Variants in SKAP2 observed in about 807,000 individuals in gnomAD.
SKAP2 encodes the protein src kinase-associated phosphoprotein 2.
A neutral mutation model predicts 54.9 loss-of-function variants in SKAP2; 28 were observed. That is an observed-to-expected ratio of 0.51 (90% CI 0.38 to 0.70). The LOEUF is 0.70. Ranked by LOEUF, SKAP2 falls within the 30% of genes least tolerant of loss-of-function variation. The pLI is 0.00. For synonymous variants in SKAP2, 137 were observed against 134.3 expected (o/e 1.02, Z -0.14); for missense variants, 356 against 424.1 (o/e 0.84, Z 1.41).
chr7:26,718,344 G>T (rs1257426385), intron 9 of SKAP2, among the ~76,000 whole-genome samples: 1 of 151,330 alleles, frequency 6.6e-6, no homozygotes, highest in African/African-American at 2.4e-5. Context: ...AAGGCCAGAA[G>T]AAAGTAAATA....
chr7:26,747,407 A>G (rs1016676681), intron 4 of SKAP2, among the ~76,000 whole-genome samples: 3 of 152,172 alleles, frequency 2.0e-5, no homozygotes, highest in Non-Finnish European at 2.9e-5. Flanking sequence ...ATGTGACTAC[A>G]CTGGGGAAAA....
rs1786130900 is a variant in SKAP2, at chr7:26,667,674, A to T, written c.*1992T>A. 6.6e-6 allele frequency: 1 copy of T among 152,622 alleles called. No individual in the cohort carries two copies. Among genetic ancestry groups the T allele is most frequent in the South Asian group, 2.1e-4 (1 of 4,830 alleles). 9.5% of individuals were successfully genotyped at this position (152,622 alleles called of 1,614,324 possible). A position where few individuals can be genotyped will look rare whatever the true frequency, so the allele number is the denominator to read the frequency against. Reference sequence around the variant, plus strand: ...TGGATTAACTGTAAAAGGAGGCAGAAATCTAGATGCTTTCCATCATGGGCG... The same window carrying T: ...TGGATTAACTGTAAAAGGAGGCAGATATCTAGATGCTTTCCATCATGGGCG... On this transcript the variant is annotated 3_prime_UTR_variant, in exon 13 of 13. Transcript: ENST00000345317.
chr7:26,820,464 AT>A (rs900327123), intron 4 of SKAP2, among the ~76,000 whole-genome samples: 26 of 152,182 alleles, frequency 1.7e-4, no homozygotes, highest in African/African-American at 6.3e-4. Context: ...TTTTAAATCC[AT>A]TGGCATATTT....
At chr7:26,662,670 GA>G (rs1584317420), downstream of SKAP2, among the ~76,000 whole-genome samples, 1 of 152,212 alleles carries the variant, frequency 6.6e-6, no homozygotes, top group East Asian at 1.9e-4. Context: ...CGATAATAAA[GA>G]ATAAAGCAAA....
chr7:26,755,312 CA>C, intron 4 of SKAP2, among the ~76,000 whole-genome samples: 1 of 141,182 alleles, frequency 7.1e-6, no homozygotes, highest in Admixed American at 6.8e-5. Context: ...TCTTTCTCAC[CA>C]ACCAAAGAAG....
At chr7:26,701,821 CTCTT>C (rs1787033913) in intron 9 of SKAP2, among the ~76,000 whole-genome samples, 1 of 152,148 alleles carries the variant, frequency 6.6e-6, no homozygotes. Context: ...ATTTTAACTT[CTCTT>C]TTTTTCCCTC....
chr7:26,811,434 T>C (rs1374074710), intron 4 of SKAP2, among the ~76,000 whole-genome samples: 1 of 152,082 alleles, frequency 6.6e-6, no homozygotes, highest in Non-Finnish European at 1.5e-5. Context: ...AACCACACCA[T>C]CTTTCTCTTT....
chr7:26,859,852 G>A (rs191878353), intron 1 of SKAP2, among the ~76,000 whole-genome samples: 6 of 152,274 alleles, frequency 3.9e-5, no homozygotes, highest in Admixed American at 2.0e-4. Context: ...TGTAAATTCA[G>A]TGGAATGAAA....
chr7:26,831,747 T>C (rs1364328774), intron 4 of SKAP2, among the ~76,000 whole-genome samples: 1 of 152,158 alleles, frequency 6.6e-6, no homozygotes, highest in Non-Finnish European at 1.5e-5. Context: ...CAATGAAGTA[T>C]TTGAACCCAG....
chr7:26,862,828 T>C (rs1785297320), intron 1 of SKAP2, among the ~76,000 whole-genome samples: 1 of 152,106 alleles, frequency 6.6e-6, no homozygotes, highest in African/African-American at 2.4e-5. Context: ...CTATATGTTA[T>C]TTCTTAAATT....
In SKAP2 at chr7:26,849,434, G is replaced by A. The variant is rs113960350; in HGVS notation, c.199+4703C>T. Among the ~76,000 whole-genome samples the A allele has an allele frequency of 2.8e-3, 420 of 151,918 alleles. 4 individuals are homozygous for A. The highest frequency in any genetic ancestry group is 9.5e-3 in the African/African-American group (395 of 41,450). ...CGGGCACAGTGGTCCACACCTGCCC[G>A]GCACTTTGGGAGGCCAAGGTGGGCA... On this transcript the variant is annotated intron_variant, in intron 3 of 12. Transcript: ENST00000345317.
intron 9 of SKAP2, among the ~76,000 whole-genome samples, chr7:26,724,790 A>T (rs545024619): frequency 2.8e-4 from 42 of 152,310 alleles, no homozygotes; most frequent in African/African-American, 9.9e-4. Context: ...CCGCAAGTCA[A>T]GTAGCTAATA....
intron 6 of SKAP2, among the ~76,000 whole-genome samples, chr7:26,731,899 T>C (rs1439938266): frequency 6.6e-6 from 1 of 152,208 alleles, no homozygotes; most frequent in Non-Finnish European, 1.5e-5. Context: ...AATATACTTG[T>C]TTTTTCTCTT....
At chr7:26,802,726 C>A (rs1418400500) in intron 4 of SKAP2, among the ~76,000 whole-genome samples, 1 of 151,906 alleles carries the variant, frequency 6.6e-6, no homozygotes, top group African/African-American at 2.4e-5. Flanking sequence ...ACTAAAAATA[C>A]AAAAATTAGC....
chr7:26,675,724 T>C, intron 11 of SKAP2, among the ~76,000 whole-genome samples: 1 of 152,230 alleles, frequency 6.6e-6, no homozygotes, highest in East Asian at 1.9e-4. Flanking sequence ...AGAATTGTAG[T>C]AGTGACGAAA....
intron 4 of SKAP2, among the ~76,000 whole-genome samples, chr7:26,828,016 C>T (rs1433975864): frequency 1.3e-5 from 2 of 152,074 alleles, no homozygotes; most frequent in Non-Finnish European, 2.9e-5. Flanking sequence ...GAGATCAATT[C>T]AAATAAACAA....
At chr7:26,777,753 C>CA (rs1427339051) in intron 4 of SKAP2, among the ~76,000 whole-genome samples, 1 of 151,990 alleles carries the variant, frequency 6.6e-6, no homozygotes, top group Non-Finnish European at 1.5e-5. Flanking sequence ...TCTGTCAAGA[C>CA]AAACAAGATA....
chr7:26,833,216 A>C (rs879712542), intron 4 of SKAP2, among the ~76,000 whole-genome samples: 26 of 150,516 alleles, frequency 1.7e-4, no homozygotes, highest in African/African-American at 5.6e-4. Flanking sequence ...AACACGGTGA[A>C]ACCCATCTCT....
chr7:26,691,168 T>C (rs1160101178), intron 9 of SKAP2, among the ~76,000 whole-genome samples: 2 of 152,198 alleles, frequency 1.3e-5, no homozygotes, highest in African/African-American at 4.8e-5. Flanking sequence ...TTATCCTACA[T>C]ATAATCAGTG....
Sources: allele counts gnomAD v4.1 joint callset (sites outside exome capture counted in the v4.1 genomes callset), GRCh38; gene constraint gnomAD v4.1.1; transcripts MANE v1.5; gene names NCBI Gene and HGNC (gene_info 2026-07-23, HGNC 2026-07-21).